The following ROR1 variants were observed in gnomAD, a reference collection of about 807,000 sequenced individuals.
ROR1 encodes the protein ROR family WNT receptor 1, also known as inactive tyrosine-protein kinase transmembrane receptor ROR1.
Under a neutral mutation model 78.8 loss-of-function variants are expected in ROR1, and 19 were observed. The observed-to-expected ratio is 0.24, with a 90% CI of 0.17 to 0.35. The LOEUF is 0.35. Among genes scored for constraint, ROR1 ranks in the 10% least tolerant of loss-of-function variants. The probability of loss-of-function intolerance (pLI) is 1.00; values close to 1 mark genes in which losing one functional copy is unlikely to be tolerated. For synonymous variants in ROR1, 386 were observed against 433.6 expected (o/e 0.89, Z 1.36); for missense variants, 917 against 1,177.8 (o/e 0.78, Z 3.24).
intron 1 of ROR1, among the ~76,000 whole-genome samples, chr1:63,964,680 G>T (rs1215647008): frequency 2.0e-5 from 3 of 152,198 alleles, no homozygotes; most frequent in African/African-American, 7.2e-5. Context: ...TATGAAATTA[G>T]TTGGGCTTTT....
intron 4 of ROR1, among the ~76,000 whole-genome samples, chr1:64,109,812 G>A (rs1479603295): frequency 2.0e-5 from 3 of 152,142 alleles, no homozygotes; most frequent in African/African-American, 7.2e-5. Context: ...ATAGGTGTGA[G>A]TTACCTCATT....
chr1:63,990,396 G>A (rs1646285548), intron 1 of ROR1, among the ~76,000 whole-genome samples: 2 of 152,148 alleles, frequency 1.3e-5, no homozygotes, highest in Admixed American at 6.5e-5. Context: ...AATGCCAAGC[G>A]AAATTATCAG....
Position 63,992,094 on chromosome 1 carries a change from G to A in ROR1, c.92-17211G>A, listed in dbSNP as rs971722143. On this transcript the variant is annotated intron_variant, in intron 1 of 8. Transcript: ENST00000371079. ...TTATTTTATGAACTTAAAAAAACCC[G>A]ACAACCCTTGTATATGTCAGAGTCT... 5.9e-5 allele frequency among the ~76,000 whole-genome samples: 9 copies of A among 152,014 alleles called. No individual in the cohort carries two copies. The East Asian group carries it at 9.7e-4, about 16-fold the overall frequency.
At chr1:63,839,002 T>A (rs899733219) in intron 1 of ROR1, among the ~76,000 whole-genome samples, 3 of 152,204 alleles carry the variant, frequency 2.0e-5, no homozygotes, top group African/African-American at 7.2e-5. Context: ...AGCCTAGGTG[T>A]GTAGTAGGCT....
chr1:63,992,394 G>A (rs1646303511), intron 1 of ROR1, among the ~76,000 whole-genome samples: 1 of 151,988 alleles, frequency 6.6e-6, no homozygotes, highest in East Asian at 1.9e-4. Context: ...TTTTGGTAGG[G>A]ATGAGGTTTC....
rs145199807 is a variant in ROR1 at position 63,883,521 on chromosome 1, A to G, written c.91+109013A>G. Among the ~76,000 whole-genome samples, 46 of 152,310 alleles carry G rather than the reference A, an allele frequency of 3.0e-4. No homozygotes were observed. The East Asian group carries it at 8.3e-3, about 27-fold the overall frequency. ...AAGGCACCTTCCAATAAAAATACCT[A>G]TAACCTGGAGGACAAGACACAAAAG... On this transcript the variant is annotated intron_variant, in intron 1 of 8. Coordinates refer to ENST00000371079, the MANE Select transcript of ROR1 (RefSeq NM_005012.4).
At chr1:64,056,695 CATTATT>C (rs1049719581) in intron 4 of ROR1, among the ~76,000 whole-genome samples, 3 of 148,624 alleles carry the variant, frequency 2.0e-5, no homozygotes, top group African/African-American at 7.4e-5. Context: ...AAAAAACAAA[CATTATT>C]ATAGCCATCC....
chr1:64,005,245 G>A (rs1646418642), intron 1 of ROR1, among the ~76,000 whole-genome samples: 1 of 152,186 alleles, frequency 6.6e-6, no homozygotes, highest in Non-Finnish European at 1.5e-5. Context: ...CTCTATGCTG[G>A]ACACTGTACA....
chr1:64,014,661 A>C (rs2100548766), intron 2 of ROR1, among the ~76,000 whole-genome samples: 1 of 139,156 alleles, frequency 7.2e-6, no homozygotes, highest in Admixed American at 7.4e-5. Flanking sequence ...CTTAAAAAAA[A>C]AAAAATACTG....
intron 1 of ROR1, among the ~76,000 whole-genome samples, chr1:63,905,935 T>C (rs1278814206): frequency 3.3e-5 from 5 of 152,188 alleles, no homozygotes; most frequent in South Asian, 2.1e-4. Flanking sequence ...CTTGAGGTTA[T>C]TGGGACTTCA....
intron 1 of ROR1, among the ~76,000 whole-genome samples, chr1:63,887,247 G>A (rs1271791643): frequency 6.6e-6 from 1 of 151,966 alleles, no homozygotes; most frequent in African/African-American, 2.4e-5. Flanking sequence ...GGGATGTATA[G>A]GCCATGCTTG....
chr1:64,054,134 T>C (rs1646855423), intron 4 of ROR1, among the ~76,000 whole-genome samples: 2 of 152,058 alleles, frequency 1.3e-5, no homozygotes, highest in Admixed American at 1.3e-4. Context: ...TTGTATGTTT[T>C]ACAGAGATGG....
intron 2 of ROR1, among the ~76,000 whole-genome samples, chr1:64,048,790 T>C (rs1291666994): frequency 4.6e-5 from 7 of 152,174 alleles, no homozygotes; most frequent in Admixed American, 6.5e-5. Context: ...TGCAGCATGA[T>C]TCCATTTATA....
At chr1:64,072,282 G>A (rs1370056333) in intron 4 of ROR1, among the ~76,000 whole-genome samples, 4 of 152,178 alleles carry the variant, frequency 2.6e-5, no homozygotes, top group African/African-American at 2.4e-5. Flanking sequence ...ATTACTAAGG[G>A]CCTGCTTCCT....
At position 63,774,478 on chromosome 1, in the gene ROR1, C is replaced by A; in HGVS notation, c.61C>A (p.Leu21Met). ...GCTCCTGGCGCTGCTGGCCGCGCTG[C>A]TGCTGGCCGCACGCGGGGCTGCTGC... is the stretch of plus-strand genomic sequence containing the variant. ...PPLLALLAAL[L>M]LAARGAAAQE... Residue 21 changes from leucine (L) to methionine (M), a missense_variant, in exon 1 of 9, where the codon CTG becomes ATG. Leu to Met is a conservative substitution (Grantham distance 15). Around this residue, in one of 3 missense-constraint regions of ROR1, gnomAD observed 63 missense variants for 57.0 expected, o/e 1.10. Transcript: ENST00000371079. This position sits in a 1 kb window ranked among gnomAD's most constrained non-coding sequence, Gnocchi z 5.7. 1.7e-6 allele frequency: 2 copies of A among 1,159,146 alleles called. No individual in the cohort carries two copies. Among genetic ancestry groups the A allele is most frequent in the Non-Finnish European group, 2.1e-6 (2 of 945,968 alleles). 71.8% of individuals were successfully genotyped at this position (1,159,146 alleles called of 1,614,324 possible). A position where few individuals can be genotyped will look rare whatever the true frequency, so the allele number is the denominator to read the frequency against.
intron 2 of ROR1, among the ~76,000 whole-genome samples, chr1:64,030,455 A>G (rs1357194559): frequency 6.6e-6 from 1 of 152,226 alleles, no homozygotes; most frequent in African/African-American, 2.4e-5. Flanking sequence ...CCACTTCCAC[A>G]TGGTCCTATA....
chr1:63,820,608 T>G (rs1327579638), intron 1 of ROR1, among the ~76,000 whole-genome samples: 1 of 152,158 alleles, frequency 6.6e-6, no homozygotes. Flanking sequence ...ATTTTGAGTT[T>G]AGCTGGAATT....
At chr1:63,914,582 G>C (rs1046226395) in intron 1 of ROR1, among the ~76,000 whole-genome samples, 2 of 152,116 alleles carry the variant, frequency 1.3e-5, no homozygotes. Flanking sequence ...AATCCCTTCG[G>C]ATGACTCTTG....
rs376381517 is a variant in ROR1 at position 64,104,923 on chromosome 1, T to A, written c.483-32446T>A. Among the ~76,000 whole-genome samples the A allele has an allele frequency of 1.1e-3, 164 of 152,336 alleles. 2 individuals are homozygous for A. The highest frequency in any genetic ancestry group is 2.2e-3 in the Admixed American group (34 of 15,300). ...TGTAAATAGTGCTGCAATAAACATATGTGTGCATGTGTCTTTATAGTAGAA... is the reference window on the plus strand; with the variant it reads ...TGTAAATAGTGCTGCAATAAACATAAGTGTGCATGTGTCTTTATAGTAGAA... On this transcript the variant is annotated intron_variant, in intron 4 of 8. Transcript: ENST00000371079.
Sources: gnomAD v4.1 joint callset for allele counts (sites outside exome capture counted in the v4.1 genomes callset) on GRCh38, gnomAD v4.1.1 for gene constraint, gnomAD v4.1.1 regional missense constraint, Gnocchi (gnomAD v3.1) non-coding constraint, MANE v1.5 for transcripts, NCBI Gene and HGNC (gene_info 2026-07-23, HGNC 2026-07-21) for gene names.